Variants in CRAMP1 observed in about 807,000 individuals in gnomAD.
CRAMP1 encodes the protein cramped chromatin regulator 1.
A neutral mutation model predicts 115.4 loss-of-function variants in CRAMP1; 50 were observed. The observed-to-expected ratio is 0.43, with a 90% CI of 0.35 to 0.55. CRAMP1 has a LOEUF of 0.55. Ranked by LOEUF, CRAMP1 falls within the 20% of genes least tolerant of loss-of-function variation. The pLI is 0.01. For missense variants in CRAMP1, 1,679 were observed against 1,721.7 expected, an observed-to-expected ratio of 0.98 and a Z score of 0.44; for synonymous variants, 866 against 745.4, an observed-to-expected ratio of 1.16 and a Z score of -2.64.
intron 2 of CRAMP1, among the ~76,000 whole-genome samples, chr16:1,621,686 G>T (rs1272973509): frequency 6.6e-6 from 1 of 152,160 alleles, no homozygotes; most frequent in East Asian, 1.9e-4. Flanking sequence ...CTGGGACCAG[G>T]CTTGGGTGTG....
At chr16:1,617,051 C>T (rs1191363651) in intron 2 of CRAMP1, among the ~76,000 whole-genome samples, 1 of 151,902 alleles carries the variant, frequency 6.6e-6, no homozygotes, top group Non-Finnish European at 1.5e-5. Context: ...GTCTCGATCT[C>T]CTGACCTTGT....
chr16:1,614,744 C>T lies in CRAMP1; in HGVS notation c.105C>T (p.Gly35=), dbSNP rs1225458697. 1.5e-6 allele frequency: 2 copies of T among 1,368,420 alleles called. No individual in the cohort carries two copies. Among genetic ancestry groups the T allele is most frequent in the South Asian group, 3.7e-5 (2 of 53,752 alleles). 84.8% of individuals were successfully genotyped at this position (1,368,420 alleles called of 1,614,324 possible). The change falls in exon 2 of 21, where the codon GGC becomes GGT. Residue 35 remains glycine, a synonymous_variant. Transcript: ENST00000397412. This position sits in a 1 kb window ranked among gnomAD's most constrained non-coding sequence, Gnocchi z 4.4. ...CCCTGGAAGGAGAAGGGGCCGGCGG[C>T]GCAGACGCGGCCGAGGAGAGCAGCG... is the stretch of plus-strand genomic sequence containing the variant. ...EESLEGEGAG[G]ADAAEESSGT... is the part of the protein sequence containing the mutation.
intron 18 of CRAMP1, among the ~76,000 whole-genome samples, chr16:1,668,738 C>T (rs2036896926): frequency 2.0e-5 from 3 of 152,194 alleles, no homozygotes; most frequent in Admixed American, 2.0e-4. Context: ...AGGTACAGCT[C>T]CTAGGGCTGC....
Position 1,612,468 on chromosome 16 carries a change from C to CGG in CRAMP1, c.-191_-190insGG, listed in dbSNP as rs2036356871. ...CGTCCGCAGCCCCCGCAGCCGCGCG[C>CGG]CGGCCCGCGGAGGGGACGTGCCGGG... On this transcript the variant is annotated 5_prime_UTR_variant, in exon 1 of 21. Coordinates refer to ENST00000397412, the MANE Select transcript of CRAMP1 (RefSeq NM_020825.4). The CGG allele has an allele frequency of 6.6e-6, 1 of 151,348 alleles. No individual in the cohort carries two copies. Among genetic ancestry groups the CGG allele is most frequent in the African/African-American group, 2.4e-5 (1 of 41,340 alleles). 9.4% of individuals were successfully genotyped at this position (151,348 alleles called of 1,614,324 possible).
At chr16:1,665,331 G>A (rs982682348) in intron 14 of CRAMP1, among the ~76,000 whole-genome samples, 193 bp downstream of exon 14, 2 of 152,202 alleles carry the variant, frequency 1.3e-5, no homozygotes, top group South Asian at 2.1e-4. Context: ...CTAGTCCAGC[G>A]AGGCAGCTAG....
intron 2 of CRAMP1, among the ~76,000 whole-genome samples, chr16:1,621,868 C>T (rs1368299341): frequency 1.3e-5 from 2 of 152,194 alleles, no homozygotes; most frequent in Non-Finnish European, 2.9e-5. Flanking sequence ...TTCTGCTTTT[C>T]GCTGGGTGTC....
chr16:1,614,576 G>A lies in CRAMP1; in HGVS notation c.-1-63G>A, dbSNP rs901281519. On this transcript the variant is annotated intron_variant, in intron 1 of 20. Coordinates refer to ENST00000397412, the MANE Select transcript of CRAMP1 (RefSeq NM_020825.4). The surrounding 1 kb of genome is among the most constrained non-coding windows in gnomAD (Gnocchi z 4.4). ...ACGGCGGCCATGTTGAGAGCGCGTCGGGGCCGCTAAACTTCCCGGCCTGCG... is the reference window on the plus strand; with the variant it reads ...ACGGCGGCCATGTTGAGAGCGCGTCAGGGCCGCTAAACTTCCCGGCCTGCG... 4 of 1,038,198 alleles carry A rather than the reference G, an allele frequency of 3.9e-6. No individual in the cohort carries two copies. The African/African-American group carries it at 6.7e-5, about 17-fold the overall frequency. The allele number at this position is 1,038,198 out of a possible 1,614,324, so 64.3% of individuals were successfully genotyped here. A position where few individuals can be genotyped will look rare whatever the true frequency, so the allele number is the denominator to read the frequency against.
intron 4 of CRAMP1, among the ~76,000 whole-genome samples, chr16:1,636,364 T>A (rs1386359790): frequency 2.0e-5 from 3 of 149,924 alleles, no homozygotes; most frequent in African/African-American, 7.4e-5. Flanking sequence ...AGAGCGAAAC[T>A]CTGTCTCAAA....
At chr16:1,612,923 G>C (rs1012491828) in intron 1 of CRAMP1, among the ~76,000 whole-genome samples, 5 of 152,098 alleles carry the variant, frequency 3.3e-5, no homozygotes, top group African/African-American at 1.2e-4. Flanking sequence ...CTGCTTGTTG[G>C]CCCTTAGGGT....
At chr16:1,668,759 G>A (rs1170623386) in intron 18 of CRAMP1, among the ~76,000 whole-genome samples, 3 of 152,198 alleles carry the variant, frequency 2.0e-5, no homozygotes, top group East Asian at 1.9e-4. Flanking sequence ...TGTGGGTGCC[G>A]TGAGATGACT....
intron 17 of CRAMP1, 34 bp downstream of exon 17, chr16:1,667,434 G>C: frequency 6.4e-7 from 1 of 1,574,144 alleles, no homozygotes; most frequent in Non-Finnish European, 8.7e-7. Context: ...GAGCAAAGCA[G>C]CTGCCCCAGG....
chr16:1,653,913 A>G (rs1316515972), intron 8 of CRAMP1, among the ~76,000 whole-genome samples: 6 of 151,244 alleles, frequency 4.0e-5, no homozygotes, highest in African/African-American at 1.5e-4. Context: ...AGGCCAAGGC[A>G]GGTGGATCAC....
rs539133369 is a variant in CRAMP1, at chr16:1,657,385, C to T, written c.2235+393C>T. Among the ~76,000 whole-genome samples the T allele has an allele frequency of 5.9e-5, 9 of 152,328 alleles. No homozygotes were observed. In the East Asian group the frequency reaches 1.5e-3, roughly 26 times the overall value. ...CCGCCTCGTGTTCCTGGGAGTCTGC[C>T]AAGCCCAATCATGCAGCTGAAGGGA... On this transcript the variant is annotated intron_variant, in intron 10 of 20. Coordinates refer to ENST00000397412, the MANE Select transcript of CRAMP1 (RefSeq NM_020825.4).
intron 20 of CRAMP1, among the ~76,000 whole-genome samples, chr16:1,673,387 T>C (rs540293036): frequency 4.7e-3 from 637 of 134,858 alleles, no homozygotes; most frequent in Non-Finnish European, 6.9e-3. Flanking sequence ...ATGATGGGAA[T>C]GTGTCCCCCA....
intron 6 of CRAMP1, chr16:1,645,337 C>A: frequency 4.0e-6 from 1 of 252,632 alleles, no homozygotes; most frequent in Non-Finnish European, 8.5e-6. Flanking sequence ...CAGGCGCCCA[C>A]CACCACGCCC....
At chr16:1,615,681 C>T (rs1026416341) in intron 2 of CRAMP1, among the ~76,000 whole-genome samples, 1 of 152,212 alleles carries the variant, frequency 6.6e-6, no homozygotes. Flanking sequence ...AGTAAGAAAA[C>T]GGCATGTTAG....
chr16:1,639,365 G>C (rs1372728325), intron 5 of CRAMP1, among the ~76,000 whole-genome samples: 10 of 151,854 alleles, frequency 6.6e-5, no homozygotes, highest in South Asian at 6.2e-4. Context: ...AGGGGCTCAA[G>C]AGCCCTTTTA....
intron 10 of CRAMP1, 45 bp from the exon 11 acceptor site, chr16:1,659,841 C>G: frequency 6.3e-7 from 1 of 1,577,056 alleles, no homozygotes; most frequent in Non-Finnish European, 8.7e-7. Context: ...AGAGCCATTT[C>G]TCATGTGCTG....
Position 1,662,434 on chromosome 16 carries a change from C to G in CRAMP1, c.2414-56C>G, listed in dbSNP as rs573799486. On this transcript the variant is annotated intron_variant, in intron 11 of 20. Transcript: ENST00000397412. ...TTCTTCCCAACGGAATTCCGTGACCCTGGACCTGTTGCTAGGTGAATGCTG... is the reference window on the plus strand; with the variant it reads ...TTCTTCCCAACGGAATTCCGTGACCGTGGACCTGTTGCTAGGTGAATGCTG... The G allele has an allele frequency of 3.5e-6, 5 of 1,423,046 alleles. No individual in the cohort carries two copies. In the African/African-American group the frequency reaches 7.0e-5, roughly 20 times the overall value. 88.2% of individuals were successfully genotyped at this position (1,423,046 alleles called of 1,614,324 possible).
Sources: allele counts gnomAD v4.1 joint callset (sites outside exome capture counted in the v4.1 genomes callset), GRCh38; gene constraint gnomAD v4.1.1; non-coding constraint Gnocchi (gnomAD v3.1); transcripts MANE v1.5; gene names NCBI Gene and HGNC (gene_info 2026-07-23, HGNC 2026-07-21).